The following SUPT3H variants were observed in gnomAD, a reference collection of about 807,000 sequenced individuals.
SUPT3H encodes the protein SPT3 homolog, SAGA and STAGA complex component.
Under a neutral mutation model 44.3 loss-of-function variants are expected in SUPT3H, and 44 were observed. The ratio of observed to expected loss-of-function variants is 0.99; its 90% CI spans 0.78 to 1.28. The LOEUF is 1.28. Ranked by LOEUF, SUPT3H falls within the 50% of genes most tolerant of loss-of-function variation. SUPT3H has a pLI of 0.00. For synonymous variants in SUPT3H, 124 were observed against 125.6 expected (o/e 0.99, Z 0.09); for missense variants, 380 against 387.1 (o/e 0.98, Z 0.15).
At chr6:45,306,688 G>A (rs1441259324) in intron 2 of SUPT3H, among the ~76,000 whole-genome samples, 1 of 152,226 alleles carries the variant, frequency 6.6e-6, no homozygotes, top group Non-Finnish European at 1.5e-5. Context: ...AACAGCTCCA[G>A]TCTACAGCTC....
In SUPT3H at chr6:45,372,747, C is replaced by A. The variant is rs142243585; in HGVS notation, c.-1+5021G>T. On this transcript the variant is annotated intron_variant, in intron 1 of 10. Coordinates refer to ENST00000371459, the MANE Select transcript of SUPT3H (RefSeq NM_003599.4). ...AATCTCAGCTCAGTGCAATCTCCAC[C>A]TCCTGGGCTCAAGCAATCCTCCCAC... 1.6e-3 allele frequency among the ~76,000 whole-genome samples: 246 copies of A among 152,202 alleles called. 2 individuals are homozygous for A. Among genetic ancestry groups the A allele is most frequent in the African/African-American group, 5.6e-3 (232 of 41,528 alleles).
intron 10 of SUPT3H, among the ~76,000 whole-genome samples, chr6:44,838,068 A>C (rs991464599): frequency 3.9e-5 from 6 of 152,240 alleles, no homozygotes; most frequent in African/African-American, 1.4e-4. Flanking sequence ...ATTACAATTA[A>C]GGTCTTTAAG....
At chr6:45,254,691 G>A (rs770893072) in intron 2 of SUPT3H, among the ~76,000 whole-genome samples, 9 of 152,092 alleles carry the variant, frequency 5.9e-5, no homozygotes, top group African/African-American at 1.4e-4. Flanking sequence ...AAAGCAGAGC[G>A]GACCAAGGCC....
At chr6:45,254,154 T>TA (rs1252866038) in intron 2 of SUPT3H, among the ~76,000 whole-genome samples, 1 of 152,080 alleles carries the variant, frequency 6.6e-6, no homozygotes, top group African/African-American at 2.4e-5. Flanking sequence ...CTGGGGCAGA[T>TA]AGTTACTAGC....
At chr6:45,307,695 T>C (rs1032131372) in intron 2 of SUPT3H, among the ~76,000 whole-genome samples, 4 of 152,080 alleles carry the variant, frequency 2.6e-5, no homozygotes, top group African/African-American at 9.7e-5. Flanking sequence ...AACTGAAAAT[T>C]CTAAAAATCA....
intron 4 of SUPT3H, among the ~76,000 whole-genome samples, chr6:45,017,311 T>C (rs1323770647): frequency 6.7e-6 from 1 of 150,024 alleles, no homozygotes; most frequent in Non-Finnish European, 1.5e-5. Flanking sequence ...TTCACTCTGA[T>C]GGTAGTTTCT....
At position 45,321,795 on chromosome 6, in the gene SUPT3H, C is replaced by A. The variant is rs188596507; in HGVS notation, c.101+43406G>T. ...TAGGAACACAATTTCCCACTACTTA[C>A]CTGCCAGAATCATTCAGCAGTGGAA... is the stretch of plus-strand genomic sequence containing the variant. On this transcript the variant is annotated intron_variant, in intron 2 of 10. Transcript: ENST00000371459. 534 of 1,599,428 alleles carry A rather than the reference C, an allele frequency of 3.3e-4. 4 individuals carry two copies. The Middle Eastern group carries it at 7.8e-3, about 23-fold the overall frequency.
chr6:45,175,529 T>C (rs574059058), intron 2 of SUPT3H, among the ~76,000 whole-genome samples: 2 of 152,312 alleles, frequency 1.3e-5, no homozygotes, highest in African/African-American at 2.4e-5. Context: ...AGATGAGACA[T>C]GGGTGTGGAC....
At chr6:44,866,738 A>G (rs946324713) in intron 10 of SUPT3H, among the ~76,000 whole-genome samples, 7 of 152,164 alleles carry the variant, frequency 4.6e-5, no homozygotes, top group African/African-American at 1.2e-4. Context: ...CTGACTATTC[A>G]TATTTATTAT....
chr6:44,977,912 T>G (rs1029379394), intron 6 of SUPT3H, among the ~76,000 whole-genome samples: 7 of 152,294 alleles, frequency 4.6e-5, no homozygotes, highest in African/African-American at 1.4e-4. Flanking sequence ...AACCCTCAGA[T>G]TGCGCTACAT....
In SUPT3H at chr6:44,894,998, G is replaced by A. The variant is rs191042469; in HGVS notation, c.912+37655C>T. ...GAAGAGAAATACCTCTAATGATGTT[G>A]ATATAATGGGAATGTGCCAATGACA... On this transcript the variant is annotated intron_variant, in intron 10 of 10. Coordinates refer to ENST00000371459, the MANE Select transcript of SUPT3H (RefSeq NM_003599.4). Among the ~76,000 whole-genome samples, 8 of 151,870 alleles carry A rather than the reference G, an allele frequency of 5.3e-5. No homozygotes were observed. The East Asian group carries it at 1.4e-3, about 26-fold the overall frequency.
chr6:44,842,254 A>T (rs955477775), intron 10 of SUPT3H, among the ~76,000 whole-genome samples: 2 of 152,074 alleles, frequency 1.3e-5, no homozygotes, highest in Non-Finnish European at 2.9e-5. Context: ...GGCTCTGAGG[A>T]ATCAGTTAAA....
chr6:45,330,774 C>T (rs1697267449), intron 2 of SUPT3H, among the ~76,000 whole-genome samples: 1 of 151,724 alleles, frequency 6.6e-6, no homozygotes, highest in Admixed American at 6.6e-5. Flanking sequence ...GTGGGCTGCA[C>T]CTTCCCTCCC....
intron 6 of SUPT3H, among the ~76,000 whole-genome samples, chr6:44,989,464 A>G (rs187791894): frequency 7.2e-5 from 11 of 152,292 alleles, no homozygotes; most frequent in African/African-American, 2.6e-4. Context: ...TGCAATGAAC[A>G]TGGGAATGCA....
chr6:45,303,710 C>G (rs1165440138), intron 2 of SUPT3H, among the ~76,000 whole-genome samples: 1 of 148,744 alleles, frequency 6.7e-6, no homozygotes, highest in Admixed American at 6.6e-5. Flanking sequence ...ACAAAAAAAG[C>G]CAGGCCGGGC....
intron 2 of SUPT3H, among the ~76,000 whole-genome samples, chr6:45,224,785 A>G (rs1766646898): frequency 6.6e-6 from 1 of 151,836 alleles, no homozygotes; most frequent in Admixed American, 6.6e-5. Context: ...CTCCAAAAAA[A>G]AAAAAGAAAG....
intron 2 of SUPT3H, among the ~76,000 whole-genome samples, chr6:45,117,241 A>C (rs1800977930): frequency 6.6e-6 from 1 of 152,136 alleles, no homozygotes; most frequent in Non-Finnish European, 1.5e-5. Context: ...CAGATCCAAT[A>C]ATCAACACTT....
At chr6:45,073,437 A>G (rs970572188) in intron 3 of SUPT3H, among the ~76,000 whole-genome samples, 1 of 152,168 alleles carries the variant, frequency 6.6e-6, no homozygotes, top group East Asian at 1.9e-4. Flanking sequence ...CTTAATAAAG[A>G]TAAAAATCAC....
At chr6:44,901,628 A>T (rs1765076781) in intron 10 of SUPT3H, among the ~76,000 whole-genome samples, 1 of 151,810 alleles carries the variant, frequency 6.6e-6, no homozygotes, top group Non-Finnish European at 1.5e-5. Context: ...AACTTCCCCA[A>T]TCTAGCAAGG....
Sources: allele counts gnomAD v4.1 joint callset (sites outside exome capture counted in the v4.1 genomes callset), GRCh38; gene constraint gnomAD v4.1.1; transcripts MANE v1.5; gene names NCBI Gene and HGNC (gene_info 2026-07-23, HGNC 2026-07-21).